GLIS3: variants seen among roughly 807,000 people sequenced by gnomAD.
GLIS3 encodes GLIS family zinc finger 3.
GLIS3 carries 53 observed loss-of-function variants against 78.6 expected under a neutral mutation model. That is an observed-to-expected ratio of 0.67 (90% CI 0.54 to 0.85). The LOEUF (loss-of-function observed/expected upper bound fraction) is 0.85. Ranked by LOEUF, GLIS3 falls within the 40% of genes least tolerant of loss-of-function variation. The probability of loss-of-function intolerance (pLI) is 0.00; values close to 1 mark genes in which losing one functional copy is unlikely to be tolerated. For synonymous variants in GLIS3, 684 were observed against 509.9 expected (o/e 1.34, Z -4.60); for missense variants, 1,703 against 1,231.1 (o/e 1.38, Z -5.74).
At chr9:4,388,269 T>C in the GLIS3 span, among the ~76,000 whole-genome samples, 1 of 152,122 alleles carries the variant, frequency 6.6e-6, no homozygotes, top group Non-Finnish European at 1.5e-5. Context: ...AGTTTCATGA[T>C]AATAGAAGTA....
At chr9:4,387,436 C>G in the GLIS3 span, among the ~76,000 whole-genome samples, 1 of 152,248 alleles carries the variant, frequency 6.6e-6, no homozygotes, top group Non-Finnish European at 1.5e-5. Flanking sequence ...GTTACGGTGT[C>G]CTCACGGTTG....
intron 2 of GLIS3, among the ~76,000 whole-genome samples, chr9:4,140,192 C>G (rs747533459): frequency 6.6e-6 from 1 of 152,110 alleles, no homozygotes; most frequent in African/African-American, 2.4e-5. Context: ...GGCATGGTGG[C>G]GCGTGCCTAT....
intron 2 of GLIS3, among the ~76,000 whole-genome samples, chr9:4,244,449 AC>A (rs1451376179): frequency 1.3e-5 from 2 of 152,256 alleles, no homozygotes; most frequent in African/African-American, 4.8e-5. Flanking sequence ...TAAAATGAGT[AC>A]AAAAAGAAAG....
In GLIS3 at chr9:3,826,089, C is replaced by G. The variant is rs1267712462; in HGVS notation, c.*2183G>C. 1 of 152,192 alleles carries G rather than the reference C, an allele frequency of 6.6e-6. No homozygotes were observed. Among genetic ancestry groups the G allele is most frequent in the Non-Finnish European group, 1.5e-5 (1 of 68,040 alleles). The allele number at this position is 152,192 out of a possible 1,614,324, so 9.4% of individuals were successfully genotyped here. A position where few individuals can be genotyped will look rare whatever the true frequency, so the allele number is the denominator to read the frequency against. On this transcript the variant is annotated 3_prime_UTR_variant, in exon 11 of 11. Coordinates refer to ENST00000381971, the MANE Select transcript of GLIS3 (RefSeq NM_001042413.2). ...TAAAGTTGAGCTTCTGTCTTGTCCT[C>G]CTTCCCCCTTTCTATTTTAAATTAC...
At chr9:4,352,418 T>A (rs372881068), upstream of GLIS3, among the ~76,000 whole-genome samples, 21 of 152,336 alleles carry the variant, frequency 1.4e-4, no homozygotes, top group African/African-American at 4.8e-4. Flanking sequence ...CCTTTTGGCC[T>A]GTGAGGGTAT....
At chr9:3,857,226 CTT>C (rs1371367604) in intron 8 of GLIS3, among the ~76,000 whole-genome samples, 2 of 152,184 alleles carry the variant, frequency 1.3e-5, no homozygotes, top group Non-Finnish European at 2.9e-5. Flanking sequence ...AAGCTGAAAA[CTT>C]TTAATCAGCT....
intron 5 of GLIS3, among the ~76,000 whole-genome samples, chr9:3,934,170 A>G (rs766988054): frequency 8.5e-5 from 13 of 152,138 alleles, no homozygotes; most frequent in Non-Finnish European, 1.5e-4. Flanking sequence ...TTAACCTGGG[A>G]ATCTTTTCTG....
chr9:4,116,728 G>C (rs142912246), intron 4 of GLIS3, among the ~76,000 whole-genome samples: 1 of 152,092 alleles, frequency 6.6e-6, no homozygotes. Flanking sequence ...ATAAATTTCT[G>C]TTTAAATTGA....
chr9:4,317,070 G>A (rs1817447677), intron 2 of GLIS3, among the ~76,000 whole-genome samples: 2 of 152,190 alleles, frequency 1.3e-5, no homozygotes, highest in Non-Finnish European at 2.9e-5. Context: ...TGCTTGAGCA[G>A]GGCACTTAGA....
At chr9:4,097,676 AGT>A (rs1830065550) in intron 4 of GLIS3, among the ~76,000 whole-genome samples, 1 of 152,250 alleles carries the variant, frequency 6.6e-6, no homozygotes, top group Non-Finnish European at 1.5e-5. Context: ...CGGTATGTGC[AGT>A]GCTATTGTTG....
At chr9:3,872,756 AC>A (rs2130401261) in intron 8 of GLIS3, among the ~76,000 whole-genome samples, 1 of 152,344 alleles carries the variant, frequency 6.6e-6, no homozygotes, top group East Asian at 1.9e-4. Flanking sequence ...CAGTCCCCAC[AC>A]CTGTGGAATA....
intron 2 of GLIS3, among the ~76,000 whole-genome samples, chr9:4,153,385 G>A (rs1834825218): frequency 6.6e-6 from 1 of 152,148 alleles, no homozygotes; most frequent in African/African-American, 2.4e-5. Flanking sequence ...TCAACATGTT[G>A]AAACCCTGTC....
intron 2 of GLIS3, among the ~76,000 whole-genome samples, chr9:4,321,158 C>G (rs970470944): frequency 2.3e-4 from 35 of 151,442 alleles, no homozygotes; most frequent in Admixed American, 1.2e-3. Flanking sequence ...CGGTGGCTCA[C>G]GCCTGTAATC....
At chr9:4,468,358 G>A in the GLIS3 span, among the ~76,000 whole-genome samples, 1 of 152,130 alleles carries the variant, frequency 6.6e-6, no homozygotes, top group Non-Finnish European at 1.5e-5. Flanking sequence ...TTAAAATGAA[G>A]GAAAAAATGT....
At chr9:3,868,018 A>AT (rs35616278) in intron 8 of GLIS3, among the ~76,000 whole-genome samples, 6,370 of 152,310 alleles carry the variant, frequency 0.042, 169 homozygotes, top group Middle Eastern at 0.075. Context: ...GGATGTCAAC[A>AT]TGCAGGCTGA....
chr9:4,116,772 T>C (rs1586715598), intron 4 of GLIS3, among the ~76,000 whole-genome samples: 1 of 152,242 alleles, frequency 6.6e-6, no homozygotes, highest in East Asian at 1.9e-4. Flanking sequence ...ACCAGCACCA[T>C]ACTCAATATC....
At chr9:4,066,676 T>A (rs1034226000) in intron 4 of GLIS3, among the ~76,000 whole-genome samples, 1 of 152,258 alleles carries the variant, frequency 6.6e-6, no homozygotes, top group Admixed American at 6.5e-5. Flanking sequence ...GTACTACAGC[T>A]GGACCCTGTA....
chr9:4,320,085 C>T (rs1399232914), intron 2 of GLIS3, among the ~76,000 whole-genome samples: 1 of 151,784 alleles, frequency 6.6e-6, no homozygotes, highest in Non-Finnish European at 1.5e-5. Context: ...TGATTTTCAG[C>T]TTCTTTTGAA....
rs1187518937 is a variant in GLIS3 at position 3,898,978 on chromosome 9, C to A, written c.1984-143G>T. 5 of 989,448 alleles carry A rather than the reference C, an allele frequency of 5.1e-6. No individual in the cohort carries two copies. The South Asian group carries it at 5.6e-5, about 11-fold the overall frequency. 61.3% of individuals were successfully genotyped at this position (989,448 alleles called of 1,614,324 possible). Reference sequence around the variant, plus strand: ...ACTACGGGTAAGGCACAGAGCTTAACAGAGTGTCAATAAAAGGATCAGTTC... The same window carrying A: ...ACTACGGGTAAGGCACAGAGCTTAAAAGAGTGTCAATAAAAGGATCAGTTC... On this transcript the variant is annotated intron_variant, in intron 6 of 10. Coordinates refer to ENST00000381971, the MANE Select transcript of GLIS3 (RefSeq NM_001042413.2).
Sources: allele counts gnomAD v4.1 joint callset (sites outside exome capture counted in the v4.1 genomes callset), GRCh38; gene constraint gnomAD v4.1.1; transcripts MANE v1.5; gene names NCBI Gene and HGNC (gene_info 2026-07-23, HGNC 2026-07-21).